The following GRID2IP variants were observed in gnomAD, a reference collection of about 807,000 sequenced individuals.
The protein encoded by GRID2IP is delphilin.
A neutral mutation model predicts 114.3 loss-of-function variants in GRID2IP; 78 were observed. That is an observed-to-expected ratio of 0.68 (90% CI 0.57 to 0.82). GRID2IP has a LOEUF of 0.82. Among genes scored for constraint, GRID2IP ranks in the 40% least tolerant of loss-of-function variants. The probability of loss-of-function intolerance (pLI) is 0.00; values close to 1 mark genes in which losing one functional copy is unlikely to be tolerated. For missense variants in GRID2IP, 1,727 were observed against 1,678.5 expected, an observed-to-expected ratio of 1.03 and a Z score of -0.51; for synonymous variants, 809 against 724.0, an observed-to-expected ratio of 1.12 and a Z score of -1.89.
Position 6,534,506 on chromosome 7 carries a change from T to C in GRID2IP, c.584+5212A>G, listed in dbSNP as rs1779690979. 6.6e-6 allele frequency among the ~76,000 whole-genome samples: 1 copy of C among 152,136 alleles called. No individual in the cohort carries two copies. On this transcript the variant is annotated intron_variant, in intron 2 of 21. Transcript: ENST00000457091. The surrounding 1 kb of genome is among the most constrained non-coding windows in gnomAD (Gnocchi z 4.5). ...GTGAAGGAATAGGAGACCACCTGCT[T>C]ACATGGTGACCACGGACCCATCTCA...
At chr7:6,527,502 C>A (rs934772056) in intron 2 of GRID2IP, among the ~76,000 whole-genome samples, 1 of 152,244 alleles carries the variant, frequency 6.6e-6, no homozygotes. Flanking sequence ...GTGGCTCCTG[C>A]TCTCAAAGTA....
At chr7:6,522,294 A>G (rs1336612980) in intron 4 of GRID2IP, among the ~76,000 whole-genome samples, 1 of 152,094 alleles carries the variant, frequency 6.6e-6, no homozygotes, top group East Asian at 1.9e-4. Flanking sequence ...CAGCTGCTCT[A>G]AGGATCTAAG....
Position 6,509,427 on chromosome 7 carries a change from T to A in GRID2IP, c.1772-114A>T. On this transcript the variant is annotated intron_variant, in intron 11 of 21. Coordinates refer to ENST00000457091, the MANE Select transcript of GRID2IP (RefSeq NM_001145118.2). The surrounding 1 kb of genome is among the most constrained non-coding windows in gnomAD (Gnocchi z 4.9). ...GCTCTGTGTCCCAGGCCACTCTCCTTTCCCTCTCTGGGCACAGTGCAGGAA... is the reference window on the plus strand; with the variant it reads ...GCTCTGTGTCCCAGGCCACTCTCCTATCCCTCTCTGGGCACAGTGCAGGAA... The A allele has an allele frequency of 1.0e-6, 1 of 958,048 alleles. No individual in the cohort carries two copies. The allele number at this position is 958,048 out of a possible 1,614,324, so 59.3% of individuals were successfully genotyped here.
In GRID2IP at chr7:6,551,123, G is replaced by A; in HGVS notation, c.314C>T (p.Pro105Leu). 1 of 1,298,434 alleles carries A rather than the reference G, an allele frequency of 7.7e-7. No individual in the cohort carries two copies. Among genetic ancestry groups the A allele is most frequent in the Non-Finnish European group, 9.7e-7 (1 of 1,027,414 alleles). The allele number at this position is 1,298,434 out of a possible 1,614,324, so 80.4% of individuals were successfully genotyped here. The change falls in exon 1 of 22, where the codon CCG becomes CTG. Residue 105 changes from proline to leucine, a missense_variant. Transcript: ENST00000457091. The stretch of plus-strand genomic sequence containing the variant: ...CAGAGCTAGGCCGCGGCCGCACCGC[G>A]GGGCCCGCAAGACTGTGGTCGGGGC... ...PAAPTTVLRAPRCGRGLALGR... is the reference protein window; with the variant it reads ...PAAPTTVLRALRCGRGLALGR...
intron 8 of GRID2IP, among the ~76,000 whole-genome samples, chr7:6,513,435 A>C (rs959835550): frequency 7.3e-5 from 11 of 151,488 alleles, no homozygotes; most frequent in Middle Eastern, 3.4e-3. Context: ...GCCCAGGCTA[A>C]TCTTGAGCTC....
Position 6,521,555 on chromosome 7 carries a change from A to C in GRID2IP, c.990-32T>G. On this transcript the variant is annotated intron_variant, in intron 5 of 21. Coordinates refer to ENST00000457091, the MANE Select transcript of GRID2IP (RefSeq NM_001145118.2). This position sits in a 1 kb window ranked among gnomAD's most constrained non-coding sequence, Gnocchi z 4.1. ...AGCAGAGATGGCCCAGGAGGGCCTG[A>C]CTGGGGTGAGCCCTGTCCACGGCCA... The C allele has an allele frequency of 6.7e-7, 1 of 1,486,692 alleles. No individual in the cohort carries two copies. Among genetic ancestry groups the C allele is most frequent in the South Asian group, 1.3e-5 (1 of 78,392 alleles). 92.1% of individuals were successfully genotyped at this position (1,486,692 alleles called of 1,614,324 possible). A position where few individuals can be genotyped will look rare whatever the true frequency, so the allele number is the denominator to read the frequency against.
rs1196657030 is a variant in GRID2IP, at chr7:6,509,018, C to T, written c.2067G>A (p.Gln689=). The change falls in exon 12 of 22, where the codon CAG becomes CAA. Residue 689 remains glutamine (Q), a synonymous_variant. Transcript: ENST00000457091. The surrounding 1 kb of genome is among the most constrained non-coding windows in gnomAD (Gnocchi z 4.9). ...CCACGATGGTGACCCGGGGGCCCAG[C>T]TGCTCGCTCAGCACGTCCAGGAAGC... The part of the protein sequence containing the change: ...TDRFLDVLSE[Q]LGPRVTIVDD... 1.3e-6 allele frequency: 2 copies of T among 1,546,666 alleles called. No homozygotes were observed. The highest frequency in any genetic ancestry group is 1.7e-6 in the Non-Finnish European group (2 of 1,146,148).
Position 6,507,297 on chromosome 7 carries a change from G to C in GRID2IP, c.2544+688C>G, listed in dbSNP as rs1210832795. 6.6e-6 allele frequency among the ~76,000 whole-genome samples: 1 copy of C among 152,170 alleles called. No homozygotes were observed. Among genetic ancestry groups the C allele is most frequent in the Non-Finnish European group, 1.5e-5 (1 of 68,030 alleles). On this transcript the variant is annotated intron_variant, in intron 13 of 21. Transcript: ENST00000457091. This position sits in a 1 kb window ranked among gnomAD's most constrained non-coding sequence, Gnocchi z 5.3. ...CTCTGAGCTGGTCAAGCCCCATTGG[G>C]GGTTCCATCTGGGAATGTCTCTTTG...
chr7:6,508,678 C>T lies in GRID2IP; in HGVS notation c.2128-277G>A, dbSNP rs1052715822. 2.6e-5 allele frequency among the ~76,000 whole-genome samples: 4 copies of T among 152,000 alleles called. No individual in the cohort carries two copies. Among genetic ancestry groups the T allele is most frequent in the South Asian group, 2.1e-4 (1 of 4,826 alleles). ...CTGGAATAAGGACAGGACCCTGTCA[C>T]GGGTTAGCCTCAGGCTGTGAGTGGG... is the stretch of plus-strand genomic sequence containing the variant. On this transcript the variant is annotated intron_variant, in intron 12 of 21. Transcript: ENST00000457091. The surrounding 1 kb of genome is among the most constrained non-coding windows in gnomAD (Gnocchi z 5.6).
At position 6,508,027 on chromosome 7, in the gene GRID2IP, C is replaced by T. The variant is rs1190973363; in HGVS notation, c.2502G>A (p.Arg834=). 1 of 1,549,756 alleles carries T rather than the reference C, an allele frequency of 6.5e-7. No homozygotes were observed. Among genetic ancestry groups the T allele is most frequent in the African/African-American group, 1.4e-5 (1 of 72,988 alleles). The change falls in exon 13 of 22, where the codon CGG becomes CGA. Residue 834 remains arginine (R), a synonymous_variant. Transcript: ENST00000457091. The surrounding 1 kb of genome is among the most constrained non-coding windows in gnomAD (Gnocchi z 5.6). ...CTTCTGAGTTCTCCACCTGTTCCCA[C>T]CGCAAGCGCTTGACGCTCATGTGGC... ...ETSHMSVKRL[R]WEQVENSEGT... is the part of the protein sequence containing the mutation.
intron 2 of GRID2IP, among the ~76,000 whole-genome samples, chr7:6,527,743 C>T (rs941961529): frequency 8.6e-5 from 13 of 150,816 alleles, no homozygotes; most frequent in Non-Finnish European, 1.5e-4. Flanking sequence ...GGACTACAGG[C>T]ACATGCCACC....
intron 2 of GRID2IP, among the ~76,000 whole-genome samples, chr7:6,535,368 C>T (rs944690157): frequency 1.3e-5 from 2 of 152,250 alleles, no homozygotes; most frequent in Admixed American, 1.3e-4. Context: ...CCAGTGGCTA[C>T]TGTGCTAGAT....
In GRID2IP at chr7:6,511,009, G is replaced by A; in HGVS notation, c.1454C>T (p.Ser485Phe). Residue 485 changes from serine (S) to phenylalanine (F), a missense_variant, in exon 9 of 22, where the codon TCC becomes TTC. By Grantham distance (155) the Ser-to-Phe change is radical. Coordinates refer to ENST00000457091, the MANE Select transcript of GRID2IP (RefSeq NM_001145118.2). ...CGGCTGGGGCTCAGGCGTGGGCTCG[G>A]ACTCCAGGTCCAGCTCAGGCTCCGG... ...AEPEPELDLE[S>F]EPTPEPQPRS... The A allele has an allele frequency of 1.3e-6, 2 of 1,508,388 alleles. No individual in the cohort carries two copies. The highest frequency in any genetic ancestry group is 1.8e-6 in the Non-Finnish European group (2 of 1,127,710). 93.4% of individuals were successfully genotyped at this position (1,508,388 alleles called of 1,614,324 possible).
At chr7:6,524,773 A>G (rs1055063887) in intron 4 of GRID2IP, among the ~76,000 whole-genome samples, 1 of 151,190 alleles carries the variant, frequency 6.6e-6, no homozygotes, top group Non-Finnish European at 1.5e-5. Flanking sequence ...CTGGAGTGCA[A>G]TGGCATGATC....
intron 1 of GRID2IP, 27 bp downstream of exon 1, chr7:6,550,981 C>T (rs1304793851): frequency 5.1e-6 from 6 of 1,184,254 alleles, no homozygotes; most frequent in South Asian, 7.7e-5. Flanking sequence ...CTCCTTCCCG[C>T]CCCCACCTCC....
rs1779554711 is a variant in GRID2IP at position 6,528,276 on chromosome 7, C to G, written c.585-1507G>C. ...GCCAGGGCTCAGCACATAGGAGAGA[C>G]TCAGTCAACAGGAGATCCACCAGCA... On this transcript the variant is annotated intron_variant, in intron 2 of 21. Transcript: ENST00000457091. This position sits in a 1 kb window ranked among gnomAD's most constrained non-coding sequence, Gnocchi z 6.0. Among the ~76,000 whole-genome samples the G allele has an allele frequency of 6.6e-6, 1 of 152,162 alleles. No homozygotes were observed. The highest frequency in any genetic ancestry group is 2.1e-4 in the South Asian group (1 of 4,836).
chr7:6,551,452 G>A lies in GRID2IP; in HGVS notation c.-16C>T. 6.5e-7 allele frequency: 1 copy of A among 1,535,948 alleles called. No individual in the cohort carries two copies. Among genetic ancestry groups the A allele is most frequent in the Non-Finnish European group, 8.8e-7 (1 of 1,140,134 alleles). ...TGGTGGCCATGCACCTAGAACTGGA[G>A]ACAGAACAGGGATTTCCTTGCTGCT... On this transcript the variant is annotated 5_prime_UTR_variant, in exon 1 of 22. Transcript: ENST00000457091.
At chr7:6,539,941 C>T in intron 1 of GRID2IP, 69 bp from the exon 2 acceptor site, 1 of 1,406,506 alleles carries the variant, frequency 7.1e-7, no homozygotes. Flanking sequence ...TGCTCTCCTC[C>T]TTCCTTTCCT....
At chr7:6,549,767 G>A (rs1037092797) in intron 1 of GRID2IP, among the ~76,000 whole-genome samples, 26 of 150,406 alleles carry the variant, frequency 1.7e-4, no homozygotes, top group Middle Eastern at 3.2e-3. Flanking sequence ...CACCACAGGC[G>A]CGCGCCACCA....
Sources: allele counts gnomAD v4.1 joint callset (sites outside exome capture counted in the v4.1 genomes callset), GRCh38; gene constraint gnomAD v4.1.1; non-coding constraint Gnocchi (gnomAD v3.1); transcripts MANE v1.5; gene names NCBI Gene and HGNC (gene_info 2026-07-23, HGNC 2026-07-21).